Variants in ULK4 observed in about 807,000 individuals in gnomAD.
The protein encoded by ULK4 is unc-51 like kinase 4, also known as inactive serine/threonine-protein kinase ULK4.
A neutral mutation model predicts 160.6 loss-of-function variants in ULK4; 133 were observed. That is an observed-to-expected ratio of 0.83 (90% CI 0.72 to 0.96). The LOEUF is 0.96. ULK4 is among the 40% of genes least tolerant of loss of function. ULK4 has a pLI of 0.00. For synonymous variants in ULK4, 534 were observed against 539.8 expected, an observed-to-expected ratio of 0.99 and a Z score of 0.15; for missense variants, 1,580 against 1,499.5, an observed-to-expected ratio of 1.05 and a Z score of -0.89.
intron 30 of ULK4, among the ~76,000 whole-genome samples, chr3:41,638,282 T>C (rs1256570087): frequency 6.6e-6 from 1 of 152,196 alleles, no homozygotes; most frequent in East Asian, 1.9e-4. Context: ...AGCCTTTTCA[T>C]GTCCTTTGTC....
At position 41,912,917 on chromosome 3, in the gene ULK4, G is replaced by T; in HGVS notation, c.804-18C>A. On this transcript the variant is annotated intron_variant, in intron 8 of 36. Coordinates refer to ENST00000301831, the MANE Select transcript of ULK4 (RefSeq NM_017886.4). ...AAGTCAATCTTTAAAAAACATAAATGTTAAAACTCTACTTTAACATGATTT... is the reference window on the plus strand; with the variant it reads ...AAGTCAATCTTTAAAAAACATAAATTTTAAAACTCTACTTTAACATGATTT... 1 of 1,610,878 alleles carries T rather than the reference G, an allele frequency of 6.2e-7. No individual in the cohort carries two copies. The highest frequency in any genetic ancestry group is 8.5e-7 in the Non-Finnish European group (1 of 1,177,648).
intron 32 of ULK4, among the ~76,000 whole-genome samples, chr3:41,517,162 G>A (rs980024398): frequency 9.2e-5 from 14 of 152,254 alleles, no homozygotes; most frequent in Non-Finnish European, 1.6e-4. Flanking sequence ...CAAATTAAAA[G>A]AATGAGATAC....
At chr3:41,771,412 C>A (rs555053903) in intron 21 of ULK4, among the ~76,000 whole-genome samples, 2 of 152,088 alleles carry the variant, frequency 1.3e-5, no homozygotes, top group African/African-American at 4.8e-5. Flanking sequence ...ACAAAAGGAA[C>A]CGTAGAATTA....
intron 17 of ULK4, among the ~76,000 whole-genome samples, chr3:41,836,547 A>G (rs1373517924): frequency 1.3e-5 from 2 of 152,150 alleles, no homozygotes; most frequent in African/African-American, 4.8e-5. Flanking sequence ...ATCTTTAAAG[A>G]GTAAATAGAG....
intron 21 of ULK4, among the ~76,000 whole-genome samples, chr3:41,763,438 G>A (rs1412010651): frequency 6.6e-6 from 1 of 152,096 alleles, no homozygotes; most frequent in Non-Finnish European, 1.5e-5. Flanking sequence ...AAAAAGGGGA[G>A]ATAGCAAAGA....
chr3:41,428,959 AGT>A (rs1481625899), intron 34 of ULK4, among the ~76,000 whole-genome samples: 1 of 152,180 alleles, frequency 6.6e-6, no homozygotes, highest in African/African-American at 2.4e-5. Flanking sequence ...CTATCATCAG[AGT>A]GAACAGACAA....
chr3:41,523,538 C>T (rs12107573), intron 32 of ULK4, among the ~76,000 whole-genome samples: 9,288 of 152,082 alleles, frequency 0.061, 902 homozygotes, highest in African/African-American at 0.21. Context: ...AAAATAAATA[C>T]TTGTATAATA....
intron 35 of ULK4, among the ~76,000 whole-genome samples, chr3:41,298,107 C>T (rs2079707963): frequency 6.6e-6 from 1 of 152,194 alleles, no homozygotes; most frequent in South Asian, 2.1e-4. Context: ...CAAATAATAT[C>T]ATACACCATA....
chr3:41,423,943 T>C (rs1191966200), intron 34 of ULK4, among the ~76,000 whole-genome samples: 4 of 152,174 alleles, frequency 2.6e-5, no homozygotes, highest in African/African-American at 4.8e-5. Flanking sequence ...TTATAGATTT[T>C]CAGTGGCCAC....
intron 2 of ULK4, among the ~76,000 whole-genome samples, chr3:41,952,709 C>A (rs1312229150): frequency 6.6e-6 from 1 of 152,200 alleles, no homozygotes; most frequent in African/African-American, 2.4e-5. Context: ...AGCAATTCCA[C>A]TTCTGAGTAT....
chr3:41,586,457 CAG>C (rs1297660848), intron 31 of ULK4, among the ~76,000 whole-genome samples: 1 of 152,014 alleles, frequency 6.6e-6, no homozygotes, highest in African/African-American at 2.4e-5. Flanking sequence ...ATCCTAGAAA[CAG>C]AAAGTAGACA....
At chr3:41,933,773 G>A (rs1451925758) in intron 4 of ULK4, among the ~76,000 whole-genome samples, 1 of 152,002 alleles carries the variant, frequency 6.6e-6, no homozygotes, top group Non-Finnish European at 1.5e-5. Flanking sequence ...TTTTTAGCCA[G>A]GCATGGTGGC....
intron 32 of ULK4, among the ~76,000 whole-genome samples, chr3:41,553,704 A>G (rs1219719869): frequency 2.0e-5 from 3 of 152,104 alleles, no homozygotes; most frequent in African/African-American, 7.2e-5. Context: ...GTGTGAATAC[A>G]TAGTAGGTAT....
intron 32 of ULK4, 84 bp downstream of exon 32, chr3:41,565,941 T>C (rs1040193069): frequency 1.1e-6 from 1 of 943,474 alleles, no homozygotes; most frequent in Non-Finnish European, 1.6e-6. Flanking sequence ...CAACTTTAAG[T>C]GGTACTTCTA....
chr3:41,342,008 T>C (rs1226800842), intron 35 of ULK4, among the ~76,000 whole-genome samples: 1 of 152,218 alleles, frequency 6.6e-6, no homozygotes, highest in Non-Finnish European at 1.5e-5. Flanking sequence ...GACGAGTCAA[T>C]TGAAGTGATT....
chr3:41,717,776 G>C lies in ULK4; in HGVS notation c.2407C>G (p.Leu803Val). 6.2e-7 allele frequency: 1 copy of C among 1,614,106 alleles called. No homozygotes were observed. Among genetic ancestry groups the C allele is most frequent in the Non-Finnish European group, 8.5e-7 (1 of 1,179,992 alleles). ...QSGNEYLSKC[L>V]DLLICHIVQE... ...ACAATGTGACAGATGAGAAGATCCA[G>C]GCATTTGGACAGGTATTCATTGCCA... Residue 803 changes from leucine to valine, a missense_variant, in exon 23 of 37, where the codon CTG becomes GTG. Physicochemically the swap from Leu to Val is conservative, Grantham distance 32. Transcript: ENST00000301831.
intron 31 of ULK4, among the ~76,000 whole-genome samples, chr3:41,574,781 C>T (rs546837875): frequency 2.0e-5 from 3 of 152,174 alleles, no homozygotes; most frequent in Non-Finnish European, 2.9e-5. Flanking sequence ...CTCCTGATCT[C>T]GTAATCCACC....
intron 32 of ULK4, among the ~76,000 whole-genome samples, chr3:41,489,854 T>C (rs1311211613): frequency 2.0e-5 from 3 of 152,194 alleles, no homozygotes; most frequent in Non-Finnish European, 4.4e-5. Flanking sequence ...AACATTAATA[T>C]TAATACACAC....
Position 41,819,417 on chromosome 3 carries a change from C to A in ULK4, c.1848+6G>T, listed in dbSNP as rs766463165. ...GCATCTACAGAGGACAACAAAGGAG[C>A]CTTACCCCTTCCCGAAGGCACCTCA... On this transcript the variant is annotated splice_donor_region_variant and intron_variant, in intron 19 of 36. Transcript: ENST00000301831. 3.4e-5 allele frequency: 55 copies of A among 1,613,422 alleles called. No homozygotes were observed. The highest frequency in any genetic ancestry group is 3.5e-5 in the Non-Finnish European group (41 of 1,179,722).
Sources: gnomAD v4.1 joint callset for allele counts (sites outside exome capture counted in the v4.1 genomes callset) on GRCh38, gnomAD v4.1.1 for gene constraint, MANE v1.5 for transcripts, NCBI Gene and HGNC (gene_info 2026-07-23, HGNC 2026-07-21) for gene names.